GNG12: variants seen among roughly 807,000 people sequenced by gnomAD.
The protein encoded by GNG12 is guanine nucleotide-binding protein G(I)/G(S)/G(O) subunit gamma-12.
For missense variants in GNG12, 69 were observed against 83.8 expected, an observed-to-expected ratio of 0.82 and a Z score of 0.69; for synonymous variants, 28 against 29.7, an observed-to-expected ratio of 0.94 and a Z score of 0.19.
chr1:67,832,500 G>A (rs1647052784), intron 1 of GNG12: 1 of 152,146 alleles, frequency 6.6e-6, no homozygotes, highest in Admixed American at 6.5e-5. Flanking sequence ...AGTGAGTGAC[G>A]GGAGGTGCTA....
Position 67,833,138 on chromosome 1 carries a change from T to TCCGGCGC in GNG12, c.-77+199_-77+205dup, listed in dbSNP as rs1231178537. 1.0e-4 allele frequency among the ~76,000 whole-genome samples: 14 copies of TCCGGCGC among 135,464 alleles called. No homozygotes were observed. The East Asian group carries it at 1.0e-3, about 10-fold the overall frequency. The allele number at this position is 135,464 out of a possible 152,430, so 88.9% of individuals were successfully genotyped here. On this transcript the variant is annotated intron_variant, in intron 1 of 3. Transcript: ENST00000370982. ...CCCCTTCCTCCCCCTCCCCCCGGTC[T>TCCGGCGC]CCGGCGCCCAGCGCCCAGACCAGTC...
rs1337667143 is a variant in GNG12, at chr1:67,702,854, T to A, written c.*2597A>T. On this transcript the variant is annotated 3_prime_UTR_variant, in exon 4 of 4. Coordinates refer to ENST00000370982, the MANE Select transcript of GNG12 (RefSeq NM_018841.6). ...TACTGAATATATTGAAACAGCTTCA[T>A]GGAAATGAAGCCAAGAAGTTGCATG... is the stretch of plus-strand genomic sequence containing the variant. 1 of 152,146 alleles carries A rather than the reference T, an allele frequency of 6.6e-6. No individual in the cohort carries two copies. Among genetic ancestry groups the A allele is most frequent in the African/African-American group, 2.4e-5 (1 of 41,448 alleles). 9.4% of individuals were successfully genotyped at this position (152,146 alleles called of 1,614,324 possible). A position where few individuals can be genotyped will look rare whatever the true frequency, so the allele number is the denominator to read the frequency against.
chr1:67,771,013 CAGAG>C (rs149741254), intron 2 of GNG12, among the ~76,000 whole-genome samples: 2 of 149,578 alleles, frequency 1.3e-5, no homozygotes, highest in African/African-American at 4.9e-5. Flanking sequence ...GACAGAGATA[CAGAG>C]AGAGAGAGAG....
intron 2 of GNG12, among the ~76,000 whole-genome samples, chr1:67,718,661 C>G (rs1268612435): frequency 6.6e-6 from 1 of 151,822 alleles, no homozygotes; most frequent in African/African-American, 2.4e-5. Flanking sequence ...CTCTCTGCAG[C>G]TCAGGTCAGG....
chr1:67,784,463 TA>T (rs1318512640), intron 1 of GNG12, among the ~76,000 whole-genome samples: 1 of 151,132 alleles, frequency 6.6e-6, no homozygotes, highest in African/African-American at 2.4e-5. Context: ...ACTTAAATAA[TA>T]AAAAAATTAA....
chr1:67,710,038 TTA>T (rs1217680693), intron 2 of GNG12, among the ~76,000 whole-genome samples: 2 of 45,538 alleles, frequency 4.4e-5, no homozygotes, highest in South Asian at 8.3e-4. Flanking sequence ...ATATATATAG[TTA>T]TATATATAGT....
Position 67,815,838 on chromosome 1 carries a change from C to T in GNG12, c.-77+17506G>A, listed in dbSNP as rs114327156. 3.4e-3 allele frequency among the ~76,000 whole-genome samples: 511 copies of T among 152,234 alleles called. 2 individuals carry two copies. Among genetic ancestry groups the T allele is most frequent in the African/African-American group, 0.011 (464 of 41,530 alleles). On this transcript the variant is annotated intron_variant, in intron 1 of 3. Transcript: ENST00000370982. ...ACAAGACTCCTCAGCGGCCAAATCCCGAGTTCTCCTTCTGTCAATCATCTG... is the reference window on the plus strand; with the variant it reads ...ACAAGACTCCTCAGCGGCCAAATCCTGAGTTCTCCTTCTGTCAATCATCTG...
Position 67,704,130 on chromosome 1 carries a change from C to T in GNG12, c.*1321G>A, listed in dbSNP as rs918160687. On this transcript the variant is annotated 3_prime_UTR_variant, in exon 4 of 4. Coordinates refer to ENST00000370982, the MANE Select transcript of GNG12 (RefSeq NM_018841.6). ...CCTGGAAATTCCAAGAGTGTGAGGG[C>T]TATATTTGGGCCCAGAGGAAAATCA... 1.3e-5 allele frequency: 2 copies of T among 152,230 alleles called. No individual in the cohort carries two copies. The highest frequency in any genetic ancestry group is 1.9e-4 in the East Asian group (1 of 5,192). 9.4% of individuals were successfully genotyped at this position (152,230 alleles called of 1,614,324 possible).
intron 2 of GNG12, among the ~76,000 whole-genome samples, chr1:67,759,731 A>T (rs2100737090): frequency 6.6e-6 from 1 of 152,326 alleles, no homozygotes; most frequent in African/African-American, 2.4e-5. Flanking sequence ...GATCTAAATG[A>T]CAGTCCATGT....
intron 2 of GNG12, among the ~76,000 whole-genome samples, chr1:67,766,353 G>A (rs1646639358): frequency 6.6e-6 from 1 of 151,594 alleles, no homozygotes; most frequent in Non-Finnish European, 1.5e-5. Context: ...TTTTCGCACA[G>A]TGCTAGAAAG....
chr1:67,791,798 C>T (rs1236291810), intron 1 of GNG12, among the ~76,000 whole-genome samples: 1 of 152,120 alleles, frequency 6.6e-6, no homozygotes, highest in Non-Finnish European at 1.5e-5. Context: ...ATCTAGTTTC[C>T]ATCAGTCATT....
intron 2 of GNG12, among the ~76,000 whole-genome samples, chr1:67,708,724 C>CGCAGGGCTG (rs1212270461): frequency 2.6e-5 from 4 of 152,134 alleles, no homozygotes; most frequent in Non-Finnish European, 5.9e-5. Flanking sequence ...TGAAGGAAAA[C>CGCAGGGCTG]GCAGGGCTGG....
chr1:67,832,144 T>A (rs1647050368), intron 1 of GNG12, among the ~76,000 whole-genome samples: 1 of 152,200 alleles, frequency 6.6e-6, no homozygotes, highest in Admixed American at 6.5e-5. Flanking sequence ...AGGAAGTAAC[T>A]GATGGGAAGG....
intron 2 of GNG12, among the ~76,000 whole-genome samples, chr1:67,734,314 T>A (rs1431568434): frequency 6.6e-6 from 1 of 151,840 alleles, no homozygotes; most frequent in African/African-American, 2.4e-5. Context: ...CTTTGATAGG[T>A]TTTCTGAAGA....
chr1:67,730,496 C>A (rs957432677), intron 2 of GNG12, among the ~76,000 whole-genome samples: 1 of 152,102 alleles, frequency 6.6e-6, no homozygotes, highest in Non-Finnish European at 1.5e-5. Context: ...CAGAGCAAGA[C>A]GCCACCCCCC....
intron 2 of GNG12, among the ~76,000 whole-genome samples, chr1:67,767,174 G>A (rs1002725718): frequency 3.3e-5 from 5 of 152,140 alleles, no homozygotes; most frequent in African/African-American, 1.2e-4. Flanking sequence ...TAACTGCTGG[G>A]CCATGCAGTT....
intron 2 of GNG12, among the ~76,000 whole-genome samples, chr1:67,724,674 G>A (rs181037237): frequency 8.6e-4 from 131 of 152,296 alleles, no homozygotes; most frequent in African/African-American, 3.1e-3. Context: ...ACAGGTGTCA[G>A]CCACCGCGCC....
At chr1:67,794,497 A>G (rs578082593) in intron 1 of GNG12, among the ~76,000 whole-genome samples, 1 of 152,202 alleles carries the variant, frequency 6.6e-6, no homozygotes, top group East Asian at 1.9e-4. Context: ...GTCTCAATTT[A>G]AAAAACTTAA....
At chr1:67,712,047 A>G (rs1646298466) in intron 2 of GNG12, among the ~76,000 whole-genome samples, 1 of 152,156 alleles carries the variant, frequency 6.6e-6, no homozygotes, top group African/African-American at 2.4e-5. Context: ...CTAGCTAAGG[A>G]CTTCCTTCCG....
Sources: allele counts gnomAD v4.1 joint callset (sites outside exome capture counted in the v4.1 genomes callset), GRCh38; gene constraint gnomAD v4.1.1; transcripts MANE v1.5; gene names NCBI Gene and HGNC (gene_info 2026-07-23, HGNC 2026-07-21).